The following ASB2 variants were observed in gnomAD, a reference collection of about 807,000 sequenced individuals.
ASB2 encodes ankyrin repeat and SOCS box protein 2.
In ASB2, 58 loss-of-function variants were observed where a neutral mutation model predicts 62.4. The observed-to-expected ratio is 0.93, with a 90% CI of 0.75 to 1.16. ASB2 has a LOEUF of 1.16. Among genes scored for constraint, ASB2 ranks in the 50% most tolerant of loss-of-function variants. The pLI is 0.00. For missense variants in ASB2, 928 were observed against 887.9 expected, an observed-to-expected ratio of 1.05 and a Z score of -0.57; for synonymous variants, 386 against 385.3, an observed-to-expected ratio of 1.00 and a Z score of -0.02.
At chr14:93,937,567 A>C (rs1432799461) in intron 9 of ASB2, 131 bp downstream of exon 9, 13 of 911,118 alleles carry the variant, frequency 1.4e-5, no homozygotes, top group Non-Finnish European at 2.1e-5. Context: ...CTCATGTTTC[A>C]TCCAAGGAGT....
intron 2 of ASB2, among the ~76,000 whole-genome samples, chr14:93,963,836 T>C (rs546923213): frequency 2.2e-4 from 33 of 152,310 alleles, no homozygotes; most frequent in African/African-American, 7.5e-4. Flanking sequence ...TGGTGTCATA[T>C]CTGGATGGCG....
intron 2 of ASB2, among the ~76,000 whole-genome samples, chr14:93,962,715 A>AG (rs1889454816): frequency 6.6e-6 from 1 of 152,236 alleles, no homozygotes; most frequent in South Asian, 2.1e-4. Context: ...GGGACTCCTG[A>AG]GGGGGCTCCT....
Position 93,937,696 on chromosome 14 carries a change from A to G in ASB2, c.1771+2T>C. 1 of 1,605,422 alleles carries G rather than the reference A, an allele frequency of 6.2e-7. No individual in the cohort carries two copies. The highest frequency in any genetic ancestry group is 8.5e-7 in the Non-Finnish European group (1 of 1,172,726). On this transcript the variant is annotated splice_donor_variant, in intron 9 of 9. Coordinates refer to ENST00000555019, the MANE Select transcript of ASB2 (RefSeq NM_001202429.2). LOFTEE classifies it high-confidence loss of function. ...GCCTTGGCAGCAGCAGCAAGTCCCT[A>G]CCTGCCTTCTCCTTGATGACGGCCC...
intron 1 of ASB2, among the ~76,000 whole-genome samples, chr14:93,969,202 A>G (rs1247098402): frequency 6.6e-6 from 1 of 152,178 alleles, no homozygotes; most frequent in Non-Finnish European, 1.5e-5. Flanking sequence ...CCGCTTCAGG[A>G]CAGGAAACTC....
At chr14:93,960,682 C>T (rs1273388147) in intron 2 of ASB2, among the ~76,000 whole-genome samples, 1 of 152,120 alleles carries the variant, frequency 6.6e-6, no homozygotes, top group African/African-American at 2.4e-5. Context: ...GGCAAATGAT[C>T]CTCATTTGAT....
Position 93,939,672 on chromosome 14 carries a change from C to T in ASB2, c.1053G>A (p.Arg351=), listed in dbSNP as rs951829034. The change falls in exon 8 of 10, where the codon AGG becomes AGA. Residue 351 remains arginine (R), a splice_region_variant and synonymous_variant. Transcript: ENST00000555019. ...LHIASKKGNY[R]IVQMLLPVTS... ...TCACCGGCAGCAGCATCTGCACGATCCTGCCGGGTCGAGGGGCGGGCGCGG... is the reference window on the plus strand; with the variant it reads ...TCACCGGCAGCAGCATCTGCACGATTCTGCCGGGTCGAGGGGCGGGCGCGG... 7.6e-6 allele frequency: 11 copies of T among 1,452,480 alleles called. No individual in the cohort carries two copies. The highest frequency in any genetic ancestry group is 9.0e-6 in the Non-Finnish European group (10 of 1,109,756). The allele number at this position is 1,452,480 out of a possible 1,614,324, so 90.0% of individuals were successfully genotyped here.
chr14:93,956,974 G>T, intron 2 of ASB2, 104 bp from the exon 3 acceptor site: 1 of 1,494,584 alleles, frequency 6.7e-7, no homozygotes, highest in South Asian at 1.2e-5. Context: ...GCCAGGGAGA[G>T]ACTGACTGAC....
Position 93,951,030 on chromosome 14 carries a change from C to G in ASB2, c.849G>C (p.Gln283His). The G allele has an allele frequency of 6.2e-7, 1 of 1,614,096 alleles. No homozygotes were observed. The highest frequency in any genetic ancestry group is 1.7e-5 in the Admixed American group (1 of 60,022). ...TPLFVAAQSG[Q>H]LEALRFLAKY... ...TGGCTAAGAACCTCAAGGCCTCCAACTGTCCACTCTGGGCGGCCACGAACA... is the reference window on the plus strand; with the variant it reads ...TGGCTAAGAACCTCAAGGCCTCCAAGTGTCCACTCTGGGCGGCCACGAACA... The change falls in exon 6 of 10, where the codon CAG becomes CAC. Residue 283 changes from glutamine to histidine, a missense_variant. Transcript: ENST00000555019.
chr14:93,954,434 A>G lies in ASB2; in HGVS notation c.361T>C (p.Leu121=), dbSNP rs746680536. The G allele has an allele frequency of 3.7e-6, 6 of 1,614,090 alleles. No homozygotes were observed. Among genetic ancestry groups the G allele is most frequent in the Non-Finnish European group, 4.2e-6 (5 of 1,180,038 alleles). The change falls in exon 4 of 10, where the codon TTG becomes CTG. Residue 121 remains leucine, a synonymous_variant. Transcript: ENST00000555019. The part of the protein sequence containing the change: ...KAIKDGDEEA[L]KTMIKEGKNL... ...TTCCCTTCCTTGATCATGGTCTTCA[A>G]GGCCTCTTCATCGCCATCCTTGATG...
Position 93,951,158 on chromosome 14 carries a change from C to A in ASB2, c.721G>T (p.Ala241Ser). ...TTGCGAGACACAGACTCGTGCAGAG[C>A]GGTCCAGCCGCGGTTGCAGCGGTGG... ...TNHRCNRGWTALHESVSRNDL... is the reference protein window; with the variant it reads ...TNHRCNRGWTSLHESVSRNDL... The change falls in exon 6 of 10, where the codon GCT becomes TCT. Residue 241 changes from alanine to serine, a missense_variant. By Grantham distance (99) the Ala-to-Ser change is moderately conservative (BLOSUM62 1). Transcript: ENST00000555019. 6.2e-7 allele frequency: 1 copy of A among 1,614,038 alleles called. No homozygotes were observed. The highest frequency in any genetic ancestry group is 1.3e-5 in the African/African-American group (1 of 75,068).
At chr14:93,960,984 T>TAAATAAATAAATAAATAAAC (rs1340934157) in intron 2 of ASB2, among the ~76,000 whole-genome samples, 1 of 150,746 alleles carries the variant, frequency 6.6e-6, no homozygotes, top group Non-Finnish European at 1.5e-5. Context: ...AATAAATAAA[T>TAAATAAATAAATAAATAAAC]AAACAGTATC....
intron 7 of ASB2, among the ~76,000 whole-genome samples, chr14:93,945,578 C>G (rs932168228): frequency 2.6e-5 from 4 of 152,186 alleles, no homozygotes; most frequent in African/African-American, 9.7e-5. Flanking sequence ...TGAGGCTCAG[C>G]AAGGTTAAGC....
At chr14:93,956,978 G>A (rs1440416203) in intron 2 of ASB2, 108 bp from the exon 3 acceptor site, 1 of 1,569,108 alleles carries the variant, frequency 6.4e-7, no homozygotes. Context: ...GGGAGAGACT[G>A]ACTGACAGAC....
chr14:93,946,735 C>G (rs926763082), intron 7 of ASB2, among the ~76,000 whole-genome samples: 2 of 152,230 alleles, frequency 1.3e-5, no homozygotes, highest in African/African-American at 4.8e-5. Flanking sequence ...GAACTTAAGC[C>G]TCTCTCTTCT....
rs1359465712 is a variant in ASB2, at chr14:93,942,866, GAT to G, written c.1053-3196_1053-3195del. On this transcript the variant is annotated intron_variant, in intron 7 of 9. Transcript: ENST00000555019. ...TAATAATAGTGATGATGATGATGAT[GAT>G]GATGATGGTGATAGCTATAGCTACC... 3.2e-3 allele frequency among the ~76,000 whole-genome samples: 484 copies of G among 152,304 alleles called. 4 individuals are homozygous for G. Among genetic ancestry groups the G allele is most frequent in the African/African-American group, 0.011 (467 of 41,550 alleles).
chr14:93,946,338 T>C (rs2141283345), intron 7 of ASB2, among the ~76,000 whole-genome samples: 1 of 152,344 alleles, frequency 6.6e-6, no homozygotes. Flanking sequence ...GACCAAGCCC[T>C]GTCCATCCTT....
In ASB2 at chr14:93,934,648, G is replaced by A; in HGVS notation, c.*8C>T. 1 of 1,613,936 alleles carries A rather than the reference G, an allele frequency of 6.2e-7. No individual in the cohort carries two copies. The highest frequency in any genetic ancestry group is 1.3e-5 in the African/African-American group (1 of 75,058). On this transcript the variant is annotated 3_prime_UTR_variant, in exon 10 of 10. Transcript: ENST00000555019. ...TGAGGGGCTACTCCTCTCTCCCCGTGGCCCCAGTTACTGGGTGTTCTCGTA... is the reference window on the plus strand; with the variant it reads ...TGAGGGGCTACTCCTCTCTCCCCGTAGCCCCAGTTACTGGGTGTTCTCGTA...
chr14:93,946,516 G>T (rs1188844961), intron 7 of ASB2, among the ~76,000 whole-genome samples: 1 of 152,222 alleles, frequency 6.6e-6, no homozygotes, highest in Non-Finnish European at 1.5e-5. Context: ...CCAATTTTAA[G>T]CTATCAATGT....
At chr14:93,971,982 CATA>C (rs1261397141) in intron 1 of ASB2, among the ~76,000 whole-genome samples, 2 of 148,280 alleles carry the variant, frequency 1.3e-5, no homozygotes, top group Non-Finnish European at 3.0e-5. Flanking sequence ...AATATACACA[CATA>C]ATAACATATA....
Sources: allele counts gnomAD v4.1 joint callset (sites outside exome capture counted in the v4.1 genomes callset), GRCh38; gene constraint gnomAD v4.1.1; transcripts MANE v1.5; gene names NCBI Gene and HGNC (gene_info 2026-07-23, HGNC 2026-07-21).